The following GPM6A variants were observed in gnomAD, a reference collection of about 807,000 sequenced individuals.
GPM6A encodes neuronal membrane glycoprotein M6-a.
GPM6A carries 7 observed loss-of-function variants against 32.1 expected under a neutral mutation model. That is an observed-to-expected ratio of 0.22 (90% CI 0.12 to 0.41). The LOEUF (loss-of-function observed/expected upper bound fraction) is 0.41, where lower values mean the gene tolerates loss of function less well. Among genes scored for constraint, GPM6A ranks in the 10% least tolerant of loss-of-function variants. GPM6A has a pLI of 1.00. For synonymous variants in GPM6A, 130 were observed against 123.4 expected (o/e 1.05, Z -0.35); for missense variants, 235 against 347.2 (o/e 0.68, Z 2.57).
intron 1 of GPM6A, among the ~76,000 whole-genome samples, chr4:175,881,118 A>G (rs1364887588): frequency 6.6e-6 from 1 of 152,220 alleles, no homozygotes; most frequent in Non-Finnish European, 1.5e-5. Flanking sequence ...AATATCCAGA[A>G]TCTACAAAGA....
chr4:175,742,728 G>C (rs915357099), intron 1 of GPM6A, among the ~76,000 whole-genome samples: 10 of 152,134 alleles, frequency 6.6e-5, no homozygotes, highest in Non-Finnish European at 1.5e-4. Context: ...GAGCAGAAGT[G>C]ATTTCGAAGA....
chr4:175,715,372 G>A (rs922520574), intron 1 of GPM6A, among the ~76,000 whole-genome samples: 33 of 152,198 alleles, frequency 2.2e-4, no homozygotes, highest in African/African-American at 8.0e-4. Context: ...GATGCAGCCA[G>A]AAAGTGAATA....
chr4:175,897,142 G>T (rs954854831), intron 1 of GPM6A, among the ~76,000 whole-genome samples: 2 of 152,258 alleles, frequency 1.3e-5, no homozygotes, highest in Admixed American at 1.3e-4. Context: ...ACATCCTCGG[G>T]ATTAGGAAAT....
chr4:175,724,450 G>A lies in GPM6A; in HGVS notation c.38-22683C>T, dbSNP rs191894367. ...TCCCAGCTACTCGGGAGGCTAAGGT[G>A]GGGGGAATCGCTTGAACCCAGAAGG... On this transcript the variant is annotated intron_variant, in intron 1 of 6. Coordinates refer to ENST00000393658, the MANE Select transcript of GPM6A (RefSeq NM_201591.3). Among the ~76,000 whole-genome samples the A allele has an allele frequency of 1.2e-3, 180 of 152,178 alleles. 1 individual carries two copies. Among genetic ancestry groups the A allele is most frequent in the African/African-American group, 3.2e-3 (132 of 41,528 alleles).
intron 1 of GPM6A, among the ~76,000 whole-genome samples, chr4:175,925,840 CTTTTCTTTTCTTTTTTTTTT>C (rs1447362604): frequency 7.1e-6 from 1 of 141,200 alleles, no homozygotes; most frequent in Admixed American, 6.9e-5. Flanking sequence ...TCTTTTTTTT[CTTTTCTTTTCTTTTTTTTTT>C]TTTTTCTTTG....
intron 1 of GPM6A, among the ~76,000 whole-genome samples, chr4:175,921,553 C>A (rs775020785): frequency 6.6e-6 from 1 of 152,048 alleles, no homozygotes; most frequent in Non-Finnish European, 1.5e-5. Context: ...ATTACATAAT[C>A]ATAACCTGCT....
intron 1 of GPM6A, among the ~76,000 whole-genome samples, chr4:175,746,312 A>G (rs1399118893): frequency 2.0e-5 from 3 of 152,162 alleles, no homozygotes; most frequent in Non-Finnish European, 4.4e-5. Flanking sequence ...CCTCTTGACT[A>G]GGAGTTTTGT....
At chr4:175,781,138 A>C (rs947267385) in intron 1 of GPM6A, 6 of 152,180 alleles carry the variant, frequency 3.9e-5, no homozygotes, top group Non-Finnish European at 7.3e-5. Context: ...AATAAAAAAA[A>C]AATAGAACAA....
At chr4:175,912,568 T>C (rs1378651860) in intron 1 of GPM6A, among the ~76,000 whole-genome samples, 6 of 152,158 alleles carry the variant, frequency 3.9e-5, no homozygotes, top group African/African-American at 1.4e-4. Context: ...GGCAGGAGAA[T>C]GGCTTGAACT....
intron 1 of GPM6A, among the ~76,000 whole-genome samples, chr4:175,705,346 T>C (rs766863831): frequency 3.7e-4 from 57 of 152,188 alleles, no homozygotes; most frequent in Non-Finnish European, 4.4e-5. Flanking sequence ...GAAGTTAAGC[T>C]AAAATCTTTT....
intron 1 of GPM6A, among the ~76,000 whole-genome samples, chr4:175,739,384 T>A (rs1195027305): frequency 6.6e-6 from 1 of 152,130 alleles, no homozygotes; most frequent in African/African-American, 2.4e-5. Flanking sequence ...AGACATGAGA[T>A]CTGCCATATT....
chr4:175,899,738 A>G (rs56144223), intron 1 of GPM6A, among the ~76,000 whole-genome samples: 44,789 of 151,722 alleles, frequency 0.3, 6,865 homozygotes, highest in East Asian at 0.58. Context: ...GATTAAAGAC[A>G]TAAATCTAAA....
chr4:175,756,612 G>T (rs1214148545), intron 1 of GPM6A, among the ~76,000 whole-genome samples: 3 of 152,074 alleles, frequency 2.0e-5, no homozygotes, highest in African/African-American at 7.2e-5. Context: ...ATAAATTTGA[G>T]CTGTCACTGG....
intron 1 of GPM6A, among the ~76,000 whole-genome samples, chr4:175,869,935 T>TA (rs1169067808): frequency 1.3e-5 from 2 of 152,182 alleles, no homozygotes; most frequent in Non-Finnish European, 2.9e-5. Flanking sequence ...GTATAGGCTT[T>TA]AAAAAAATTA....
intron 1 of GPM6A, among the ~76,000 whole-genome samples, chr4:175,999,231 G>A (rs1469692832): frequency 6.6e-6 from 1 of 152,196 alleles, no homozygotes; most frequent in Non-Finnish European, 1.5e-5. Flanking sequence ...TTGTGTTCAG[G>A]AGAAAATGTA....
At chr4:175,945,658 TAA>T (rs1739571600) in intron 1 of GPM6A, among the ~76,000 whole-genome samples, 2 of 146,844 alleles carry the variant, frequency 1.4e-5, no homozygotes, top group South Asian at 2.1e-4. Context: ...ATAAGTAATA[TAA>T]GTTATAATAT....
chr4:175,944,212 T>A (rs867211541), intron 1 of GPM6A, among the ~76,000 whole-genome samples: 12 of 152,194 alleles, frequency 7.9e-5, no homozygotes, highest in South Asian at 4.1e-4. Flanking sequence ...GTCTTTTTCA[T>A]TATATGTGGT....
chr4:175,994,559 A>C (rs1741246660), intron 1 of GPM6A, among the ~76,000 whole-genome samples: 1 of 152,206 alleles, frequency 6.6e-6, no homozygotes, highest in Non-Finnish European at 1.5e-5. Context: ...TTAATTTTAA[A>C]ATACTTTATT....
At position 175,850,824 on chromosome 4, in the gene GPM6A, G is replaced by A. The variant is rs144037169; in HGVS notation, c.-22-38575C>T. 6.3e-3 allele frequency among the ~76,000 whole-genome samples: 939 copies of A among 149,504 alleles called. 11 individuals carry two copies. Among genetic ancestry groups the A allele is most frequent in the Middle Eastern group, 0.011 (3 of 280 alleles). ...AAAATTGTATGTATTTACATTTTTC[G>A]TATGTATTATATAAATACAATATTA... On this transcript the variant is annotated intron_variant, in intron 1 of 7. Coordinates refer to the GPM6A transcript ENST00000280187.
Sources: gnomAD v4.1 joint callset for allele counts (sites outside exome capture counted in the v4.1 genomes callset) on GRCh38, gnomAD v4.1.1 for gene constraint, MANE v1.5 for transcripts, NCBI Gene and HGNC (gene_info 2026-07-23, HGNC 2026-07-21) for gene names.